NSD3: variants seen among roughly 807,000 people sequenced by gnomAD.
The protein encoded by NSD3 is histone-lysine N-methyltransferase NSD3.
NSD3 carries 24 observed loss-of-function variants against 160.8 expected under a neutral mutation model. That is an observed-to-expected ratio of 0.15 (90% CI 0.11 to 0.21). NSD3 has a LOEUF of 0.21. Among genes scored for constraint, NSD3 ranks in the 10% least tolerant of loss-of-function variants. The pLI is 1.00. For missense variants in NSD3, 1,157 were observed against 1,735.9 expected (o/e 0.67, Z 5.93); for synonymous variants, 520 against 600.0 (o/e 0.87, Z 1.95).
At chr8:38,276,555 G>A in intron 22 of NSD3, 55 bp from the exon 23 acceptor site, 1 of 1,587,670 alleles carries the variant, frequency 6.3e-7, no homozygotes, top group Non-Finnish European at 8.6e-7. Flanking sequence ...GCATGAAGCT[G>A]GACACAGGAA....
intron 1 of NSD3, among the ~76,000 whole-genome samples, chr8:38,359,361 A>G (rs1293504784): frequency 6.6e-6 from 1 of 152,212 alleles, no homozygotes; most frequent in Non-Finnish European, 1.5e-5. Context: ...AACAGAAGCA[A>G]AAGTCAATTT....
intron 1 of NSD3, among the ~76,000 whole-genome samples, chr8:38,372,583 G>A (rs901512256): frequency 2.1e-5 from 3 of 146,022 alleles, no homozygotes; most frequent in African/African-American, 5.1e-5. Context: ...TGCAACCTCC[G>A]CCTCCCGGGT....
intron 4 of NSD3, chr8:38,335,943 T>A (rs573096914): frequency 1.3e-5 from 2 of 152,362 alleles, no homozygotes; most frequent in South Asian, 4.1e-4. Flanking sequence ...TTTTCACTTC[T>A]GCCTCGCTGA....
At chr8:38,356,052 TC>T (rs1402540648) in intron 1 of NSD3, among the ~76,000 whole-genome samples, 3 of 152,158 alleles carry the variant, frequency 2.0e-5, no homozygotes, top group Non-Finnish European at 4.4e-5. Context: ...CCTTCTCCAC[TC>T]CCACTCCCCA....
intron 12 of NSD3, 31 bp from the exon 13 acceptor site, chr8:38,305,476 T>C (rs1809372887): frequency 6.2e-7 from 1 of 1,607,216 alleles, no homozygotes; most frequent in Non-Finnish European, 8.5e-7. Context: ...ACAAATTAAA[T>C]AAAATTGACT....
At chr8:38,370,242 T>C (rs7835269) in intron 1 of NSD3, among the ~76,000 whole-genome samples, 33 of 152,194 alleles carry the variant, frequency 2.2e-4, no homozygotes, top group African/African-American at 7.7e-4. Context: ...TTTGCTACAG[T>C]TAACTGTATA....
chr8:38,338,741 G>T (rs1034307758), intron 2 of NSD3, 134 bp from the exon 3 acceptor site: 1 of 695,100 alleles, frequency 1.4e-6, no homozygotes, highest in South Asian at 1.8e-5. Flanking sequence ...ACTGAACAAT[G>T]TAAGGAGTAA....
chr8:38,277,250 CTT>C (rs758903214), intron 22 of NSD3, among the ~76,000 whole-genome samples: 2 of 152,008 alleles, frequency 1.3e-5, no homozygotes, highest in South Asian at 2.1e-4. Flanking sequence ...CCTTCACTGA[CTT>C]TTGAATAGGG....
intron 1 of NSD3, among the ~76,000 whole-genome samples, chr8:38,363,301 T>C (rs967486005): frequency 6.6e-6 from 1 of 152,056 alleles, no homozygotes; most frequent in Non-Finnish European, 1.5e-5. Flanking sequence ...ATCCTTTTGG[T>C]GGGAAGGATC....
chr8:38,353,887 A>T (rs941122330), intron 1 of NSD3, among the ~76,000 whole-genome samples: 1 of 152,200 alleles, frequency 6.6e-6, no homozygotes, highest in African/African-American at 2.4e-5. Flanking sequence ...AAAAATAATC[A>T]GTCTCCTGAT....
At position 38,275,150 on chromosome 8, in the gene NSD3, C is replaced by A. The variant is rs946566394; in HGVS notation, c.*491G>T. ...AAAGAGGTATATAAAGCTTATCATACCCTTTCCTAGAGGGCTTTCTCAGAT... is the reference window on the plus strand; with the variant it reads ...AAAGAGGTATATAAAGCTTATCATAACCTTTCCTAGAGGGCTTTCTCAGAT... On this transcript the variant is annotated 3_prime_UTR_variant, in exon 24 of 24. Coordinates refer to ENST00000317025, the MANE Select transcript of NSD3 (RefSeq NM_023034.2). 8.4e-6 allele frequency: 2 copies of A among 239,322 alleles called. No homozygotes were observed. Among genetic ancestry groups the A allele is most frequent in the African/African-American group, 4.4e-5 (2 of 45,350 alleles). 14.8% of individuals were successfully genotyped at this position (239,322 alleles called of 1,614,324 possible). A position where few individuals can be genotyped will look rare whatever the true frequency, so the allele number is the denominator to read the frequency against.
At chr8:38,290,425 C>G (rs758052662) in intron 17 of NSD3, 50 bp downstream of exon 17, 1 of 1,589,508 alleles carries the variant, frequency 6.3e-7, no homozygotes, top group Non-Finnish European at 8.6e-7. Context: ...TGTTGAGAAA[C>G]TGACACCGGA....
chr8:38,315,269 G>C, intron 11 of NSD3, 147 bp downstream of exon 11: 1 of 953,870 alleles, frequency 1.0e-6, no homozygotes, highest in Non-Finnish European at 1.4e-6. Context: ...GGGAAAAAAA[G>C]AACCACAAAG....
chr8:38,290,548 T>C lies in NSD3; in HGVS notation c.3045A>G (p.Arg1015=), dbSNP rs1203487854. The change falls in exon 17 of 24, where the codon AGA becomes AGG. Residue 1015 remains arginine, a synonymous_variant. Transcript: ENST00000317025. ...SHDYYWVHQG[R]VFPYVEGDKS... is the part of the protein sequence containing the mutation. Reference sequence around the variant, plus strand: ...TGTCTCCTTCAACATAAGGGAACACTCTGCCCTGGTGTACCCAGTAGTAGT... The same window carrying C: ...TGTCTCCTTCAACATAAGGGAACACCCTGCCCTGGTGTACCCAGTAGTAGT... 6.2e-7 allele frequency: 1 copy of C among 1,614,158 alleles called. No homozygotes were observed. The highest frequency in any genetic ancestry group is 8.5e-7 in the Non-Finnish European group (1 of 1,180,018).
intron 19 of NSD3, among the ~76,000 whole-genome samples, chr8:38,285,018 A>G (rs1808826080): frequency 6.6e-6 from 1 of 152,238 alleles, no homozygotes; most frequent in Non-Finnish European, 1.5e-5. Flanking sequence ...ACCATTAACT[A>G]TGAATTCAAC....
intron 4 of NSD3, among the ~76,000 whole-genome samples, chr8:38,331,878 T>G (rs578146685): frequency 6.6e-6 from 1 of 152,332 alleles, no homozygotes; most frequent in African/African-American, 2.4e-5. Context: ...CTCATTAACT[T>G]TTTAACAAAA....
intron 16 of NSD3, among the ~76,000 whole-genome samples, chr8:38,293,751 C>T (rs554995308): frequency 4.3e-4 from 65 of 151,158 alleles, no homozygotes; most frequent in Non-Finnish European, 8.0e-4. Flanking sequence ...AGTGAAACCC[C>T]GTCTGTACTA....
chr8:38,315,015 G>T (rs550377531), intron 11 of NSD3, among the ~76,000 whole-genome samples: 9 of 152,292 alleles, frequency 5.9e-5, no homozygotes, highest in Admixed American at 1.3e-4. Context: ...ATACAATATG[G>T]TATAAAGTTT....
intron 1 of NSD3, among the ~76,000 whole-genome samples, chr8:38,349,638 CTT>C (rs1810621867): frequency 7.9e-6 from 1 of 126,472 alleles, no homozygotes; most frequent in Non-Finnish European, 1.7e-5. Flanking sequence ...CCAGTATCTA[CTT>C]ATTTTTTTAT....
Sources: allele counts gnomAD v4.1 joint callset (sites outside exome capture counted in the v4.1 genomes callset), GRCh38; gene constraint gnomAD v4.1.1; transcripts MANE v1.5; gene names NCBI Gene and HGNC (gene_info 2026-07-23, HGNC 2026-07-21).